The following SYNE1 variants were observed in gnomAD, a reference collection of about 807,000 sequenced individuals.
SYNE1 encodes nesprin-1.
A neutral mutation model predicts 1,111.0 loss-of-function variants in SYNE1; 616 were observed. The ratio of observed to expected loss-of-function variants is 0.55; its 90% CI spans 0.52 to 0.59. The LOEUF is 0.59. SYNE1 is among the 20% of genes least tolerant of loss of function. The pLI, the probability that SYNE1 is intolerant of heterozygous loss-of-function variation, is 0.00. For synonymous variants in SYNE1, 3,855 were observed against 3,825.8 expected, an observed-to-expected ratio of 1.01 and a Z score of -0.28; for missense variants, 10,006 against 10,417.0, an observed-to-expected ratio of 0.96 and a Z score of 1.72.
Position 152,310,955 on chromosome 6 carries a change from C to T in SYNE1, c.16711-82G>A, listed in dbSNP as rs538922718. 4.0e-5 allele frequency: 57 copies of T among 1,424,846 alleles called. No individual in the cohort carries two copies. In the East Asian group the frequency reaches 1.3e-3, roughly 33 times the overall value. 88.3% of individuals were successfully genotyped at this position (1,424,846 alleles called of 1,614,324 possible). A position where few individuals can be genotyped will look rare whatever the true frequency, so the allele number is the denominator to read the frequency against. On this transcript the variant is annotated intron_variant, in intron 87 of 145. Transcript: ENST00000367255. ...TTCAATATAGCTTGGCATAAAATGCCCTGTGTAAGTTCTGTGTGTCCGTTA... is the reference window on the plus strand; with the variant it reads ...TTCAATATAGCTTGGCATAAAATGCTCTGTGTAAGTTCTGTGTGTCCGTTA...
intron 36 of SYNE1, among the ~76,000 whole-genome samples, chr6:152,429,114 T>C (rs1592511209): frequency 6.7e-6 from 1 of 149,388 alleles, no homozygotes; most frequent in African/African-American, 2.4e-5. Flanking sequence ...ATAATAATAA[T>C]AATAATGACA....
At chr6:152,547,600 T>G (rs954116416) in intron 3 of SYNE1, among the ~76,000 whole-genome samples, 1 of 152,130 alleles carries the variant, frequency 6.6e-6, no homozygotes, top group Non-Finnish European at 1.5e-5. Flanking sequence ...TAGGATATGA[T>G]GGACTGAAAA....
Position 152,340,790 on chromosome 6 carries a change from G to A in SYNE1, c.12226-1424C>T, listed in dbSNP as rs199776212. Among the ~76,000 whole-genome samples the A allele has an allele frequency of 1.4e-4, 22 of 152,286 alleles. No homozygotes were observed. The East Asian group carries it at 1.7e-3, about 12-fold the overall frequency. The stretch of plus-strand genomic sequence containing the variant: ...AAACAGGCTTTCAAAGACTCCCTCC[G>A]AACATCACGTGGAGAACGGCTTGCC... On this transcript the variant is annotated intron_variant, in intron 74 of 145. Coordinates refer to ENST00000367255, the MANE Select transcript of SYNE1 (RefSeq NM_182961.4).
intron 55 of SYNE1, among the ~76,000 whole-genome samples, chr6:152,385,278 G>A (rs1166111151): frequency 3.9e-5 from 6 of 152,222 alleles, no homozygotes; most frequent in South Asian, 2.1e-4. Flanking sequence ...GTTGGATGTC[G>A]TCTAGAAAAG....
At chr6:152,434,174 T>G in intron 33 of SYNE1, 1 of 542,800 alleles carries the variant, frequency 1.8e-6, no homozygotes, top group Non-Finnish European at 3.3e-6. Context: ...ACACTTTGAG[T>G]GAAACTGCAC....
At position 152,284,144 on chromosome 6, in the gene SYNE1, T is replaced by C. The variant is rs573060464; in HGVS notation, c.18041A>G (p.Gln6014Arg). 1 of 1,614,218 alleles carries C rather than the reference T, an allele frequency of 6.2e-7. No homozygotes were observed. Among genetic ancestry groups the C allele is most frequent in the African/African-American group, 1.3e-5 (1 of 75,072 alleles). ...QALMDEILML[Q>R]DEINELQSSL... Reference sequence around the variant, plus strand: ...GGACTGGAGCTCATTGATTTCATCCTGGAGCATGAGAATCTCATCCATCAA... The same window carrying C: ...GGACTGGAGCTCATTGATTTCATCCCGGAGCATGAGAATCTCATCCATCAA... Residue 6014 changes from glutamine to arginine, a missense_variant, in exon 96 of 146, where the codon CAG becomes CGG. Coordinates refer to ENST00000367255, the MANE Select transcript of SYNE1 (RefSeq NM_182961.4).
At chr6:152,375,148 G>A (rs1267170487) in intron 58 of SYNE1, among the ~76,000 whole-genome samples, 1 of 151,924 alleles carries the variant, frequency 6.6e-6, no homozygotes, top group East Asian at 1.9e-4. Context: ...TCTCCATGTT[G>A]GCCAGGCTGG....
chr6:152,351,950 C>T, intron 70 of SYNE1, 77 bp downstream of exon 70: 1 of 1,396,406 alleles, frequency 7.2e-7, no homozygotes, highest in Non-Finnish European at 1.0e-6. Context: ...ACGGGTGACA[C>T]CCAGCAAGAA....
Position 152,453,679 on chromosome 6 carries a change from G to A in SYNE1, c.2934C>T (p.Phe978=), listed in dbSNP as rs2098670107. ...SQLDQRVLNA[F]LKACDELTDI... ...CGGTGAGTTCATCACAAGCTTTCAG[G>A]AAAGCATTGAGCACCCTCTGATCCA... Residue 978 remains phenylalanine (F), a synonymous_variant, in exon 25 of 146, where the codon TTC becomes TTT. Transcript: ENST00000367255. 2.5e-6 allele frequency: 4 copies of A among 1,614,168 alleles called. No individual in the cohort carries two copies. The highest frequency in any genetic ancestry group is 3.4e-6 in the Non-Finnish European group (4 of 1,180,036).
chr6:152,151,852 T>G, intron 134 of SYNE1, 107 bp downstream of exon 134: 1 of 1,498,992 alleles, frequency 6.7e-7, no homozygotes, highest in Admixed American at 1.9e-5. Context: ...TTACTCCTCC[T>G]GCCATCCCAT....
intron 12 of SYNE1, 109 bp from the exon 13 acceptor site, chr6:152,485,081 T>C: frequency 8.2e-7 from 1 of 1,224,874 alleles, no homozygotes; most frequent in African/African-American, 1.5e-5. Context: ...ACACTCAATA[T>C]ATGTTGTTGA....
chr6:152,612,275 T>G (rs2623978), intron 3 of SYNE1, among the ~76,000 whole-genome samples: 2 of 151,732 alleles, frequency 1.3e-5, no homozygotes, highest in Non-Finnish European at 1.5e-5. Flanking sequence ...AGAAAAGAGA[T>G]AAGAATCAAA....
intron 74 of SYNE1, among the ~76,000 whole-genome samples, chr6:152,343,179 G>T (rs551058074): frequency 1.4e-5 from 2 of 145,522 alleles, no homozygotes; most frequent in East Asian, 4.0e-4. Flanking sequence ...TTGAGACAGA[G>T]TCTCACTCTG....
intron 3 of SYNE1, among the ~76,000 whole-genome samples, chr6:152,622,070 A>T (rs2099676728): frequency 6.6e-6 from 1 of 152,210 alleles, no homozygotes; most frequent in South Asian, 2.1e-4. Flanking sequence ...GTATTTAACT[A>T]TAATGTTCCA....
Position 152,396,851 on chromosome 6 carries a change from C to T in SYNE1, c.7480G>A (p.Glu2494Lys). ...SIQEQITKAN[E>K]EFQAFLKQCL... is the part of the protein sequence containing the mutation. ...TGTTTCAGAAATGCTTGAAACTCTT[C>T]ATTGGCCTTTGTGATTTGTTCTTGA... Residue 2494 changes from glutamate to lysine, a missense_variant, in exon 50 of 146, where the codon GAA becomes AAA. By Grantham distance (56) the Glu-to-Lys change is moderately conservative. Transcript: ENST00000367255. 6.2e-7 allele frequency: 1 copy of T among 1,614,188 alleles called. No homozygotes were observed. The highest frequency in any genetic ancestry group is 8.5e-7 in the Non-Finnish European group (1 of 1,180,012).
intron 143 of SYNE1, among the ~76,000 whole-genome samples, chr6:152,132,955 T>C (rs1303654957): frequency 6.6e-6 from 1 of 152,078 alleles, no homozygotes; most frequent in Non-Finnish European, 1.5e-5. Flanking sequence ...CAACAATTGG[T>C]TTGCTCTACC....
At chr6:152,291,363 T>G (rs2094600131) in intron 95 of SYNE1, among the ~76,000 whole-genome samples, 2 of 151,684 alleles carry the variant, frequency 1.3e-5, no homozygotes, top group Admixed American at 1.3e-4. Context: ...TAGCTGTACC[T>G]CCTTACTGCT....
At chr6:152,453,860 T>G in intron 24 of SYNE1, 140 bp from the exon 25 acceptor site, 1 of 982,622 alleles carries the variant, frequency 1.0e-6, no homozygotes, top group Non-Finnish European at 1.6e-6. Context: ...CACTATTGTT[T>G]TTTAAGGATG....
intron 76 of SYNE1, chr6:152,335,544 C>A (rs966794365): frequency 6.6e-6 from 1 of 152,056 alleles, no homozygotes; most frequent in Admixed American, 6.6e-5. Flanking sequence ...TTATCCCGAT[C>A]CCTATTCTCT....
Sources: gnomAD v4.1 joint callset for allele counts (sites outside exome capture counted in the v4.1 genomes callset) on GRCh38, gnomAD v4.1.1 for gene constraint, MANE v1.5 for transcripts, NCBI Gene and HGNC (gene_info 2026-07-23, HGNC 2026-07-21) for gene names.